ARHGAP44: variants seen among roughly 807,000 people sequenced by gnomAD.
ARHGAP44 encodes rho GTPase-activating protein 44.
ARHGAP44 carries 43 observed loss-of-function variants against 106.8 expected under a neutral mutation model. The ratio of observed to expected loss-of-function variants is 0.40; its 90% CI spans 0.32 to 0.52. ARHGAP44 has a LOEUF of 0.52. ARHGAP44 is among the 20% of genes least tolerant of loss of function. The pLI, the probability that ARHGAP44 is intolerant of heterozygous loss-of-function variation, is 0.48. For synonymous variants in ARHGAP44, 439 were observed against 410.3 expected (o/e 1.07, Z -0.85); for missense variants, 866 against 1,050.5 (o/e 0.82, Z 2.43).
chr17:12,830,368 G>A (rs1009087332), intron 1 of ARHGAP44, among the ~76,000 whole-genome samples: 6 of 151,880 alleles, frequency 4.0e-5, no homozygotes, highest in African/African-American at 1.5e-4. Context: ...GACTACTCTT[G>A]GGGTCTGCCT....
intron 3 of ARHGAP44, among the ~76,000 whole-genome samples, chr17:12,906,873 G>A (rs984070054): frequency 6.6e-6 from 1 of 152,100 alleles, no homozygotes; most frequent in Non-Finnish European, 1.5e-5. Context: ...TTAGGAGCTC[G>A]AGGCTTCAGT....
chr17:12,863,925 C>G (rs1486047264), intron 1 of ARHGAP44, among the ~76,000 whole-genome samples: 2 of 152,204 alleles, frequency 1.3e-5, no homozygotes, highest in African/African-American at 2.4e-5. Flanking sequence ...GTCTGTCCAT[C>G]TGTGCTGGCC....
chr17:12,987,840 A>G (rs910282143), intron 20 of ARHGAP44: 5 of 152,298 alleles, frequency 3.3e-5, no homozygotes, highest in Admixed American at 2.6e-4. Flanking sequence ...GGGAGCATTT[A>G]TATCAGTATC....
intron 1 of ARHGAP44, among the ~76,000 whole-genome samples, chr17:12,810,638 A>C (rs533014216): frequency 3.0e-4 from 45 of 152,310 alleles, no homozygotes; most frequent in African/African-American, 1.0e-3. Context: ...ATCTCTGGAC[A>C]TTGAAGCTCA....
At chr17:12,978,681 T>C (rs2039755955) in intron 18 of ARHGAP44, among the ~76,000 whole-genome samples, 1 of 70,772 alleles carries the variant, frequency 1.4e-5, no homozygotes, top group Non-Finnish European at 4.3e-5. Context: ...TTTTTTTCTT[T>C]TCTTTTTTCT....
At chr17:12,803,446 C>T (rs2034181539) in intron 1 of ARHGAP44, among the ~76,000 whole-genome samples, 1 of 151,994 alleles carries the variant, frequency 6.6e-6, no homozygotes, top group South Asian at 2.1e-4. Context: ...ATCCAGTTGG[C>T]TCCTATGAAT....
intron 1 of ARHGAP44, among the ~76,000 whole-genome samples, chr17:12,795,259 T>A (rs1267898169): frequency 6.6e-6 from 1 of 152,174 alleles, no homozygotes; most frequent in Non-Finnish European, 1.5e-5. Flanking sequence ...ATGTGAGAGA[T>A]AACAGAGTGT....
In ARHGAP44 at chr17:12,956,754, A is replaced by G; in HGVS notation, c.1342+8A>G. ...ACTGGTTCTTCCCTGGGGGTAGGTG[A>G]CAGCACCTAGGTGTGGGGGCAAGAG... On this transcript the variant is annotated splice_region_variant and intron_variant, in intron 15 of 20. Transcript: ENST00000379672. The G allele has an allele frequency of 6.2e-7, 1 of 1,612,386 alleles. No homozygotes were observed. The highest frequency in any genetic ancestry group is 8.5e-7 in the Non-Finnish European group (1 of 1,178,552).
At chr17:12,819,057 A>G (rs956783390) in intron 1 of ARHGAP44, among the ~76,000 whole-genome samples, 6 of 152,056 alleles carry the variant, frequency 3.9e-5, no homozygotes, top group Non-Finnish European at 7.4e-5. Context: ...TGTGGTATTG[A>G]TAAAGACATG....
At chr17:12,942,642 G>A (rs76136139) in intron 8 of ARHGAP44, among the ~76,000 whole-genome samples, 7,468 of 152,158 alleles carry the variant, frequency 0.049, 259 homozygotes, top group Admixed American at 0.091. Flanking sequence ...AAAAAAGTTC[G>A]TATTAGTTTT....
At chr17:12,951,342 A>G (rs983296748) in intron 12 of ARHGAP44, among the ~76,000 whole-genome samples, 1 of 152,176 alleles carries the variant, frequency 6.6e-6, no homozygotes, top group Admixed American at 6.5e-5. Flanking sequence ...CTGCTGGCTA[A>G]TAAGTGGCAG....
intron 1 of ARHGAP44, among the ~76,000 whole-genome samples, chr17:12,849,127 G>C (rs1484283623): frequency 6.6e-6 from 1 of 151,826 alleles, no homozygotes; most frequent in Non-Finnish European, 1.5e-5. Flanking sequence ...TCTAGTCGCA[G>C]AGACCATTCA....
intron 20 of ARHGAP44, chr17:12,986,386 C>A (rs2039956359): frequency 6.6e-6 from 1 of 152,182 alleles, no homozygotes; most frequent in Admixed American, 6.5e-5. Context: ...CAGGGCTGCT[C>A]CTCCCAGTGT....
At position 12,896,444 on chromosome 17, in the gene ARHGAP44, A is replaced by G; in HGVS notation, c.131A>G (p.His44Arg). 1 of 1,609,404 alleles carries G rather than the reference A, an allele frequency of 6.2e-7. No individual in the cohort carries two copies. The highest frequency in any genetic ancestry group is 1.3e-5 in the African/African-American group (1 of 74,930). Reference protein sequence around the residue: ...KRLELVKQVSHSTHKKLTACL... With the variant: ...KRLELVKQVSRSTHKKLTACL... Reference sequence around the variant, plus strand: ...CTGGAGCTGGTGAAACAGGTGTCCCACAGCACGCACAAGAAGCTCACCGCA... The same window carrying G: ...CTGGAGCTGGTGAAACAGGTGTCCCGCAGCACGCACAAGAAGCTCACCGCA... The change falls in exon 3 of 21, where the codon CAC becomes CGC. Residue 44 changes from histidine (H) to arginine (R), a missense_variant. By Grantham distance (29) the His-to-Arg change is conservative. This residue lies in a region of ARHGAP44 where 448 missense variants were observed against 646.9 expected (regional missense o/e 0.69). Coordinates refer to ENST00000379672, the MANE Select transcript of ARHGAP44 (RefSeq NM_014859.6).
intron 1 of ARHGAP44, among the ~76,000 whole-genome samples, chr17:12,878,093 G>A (rs1475355653): frequency 6.6e-6 from 1 of 152,208 alleles, no homozygotes; most frequent in Non-Finnish European, 1.5e-5. Context: ...TAGAGATTGG[G>A]AAATGACAGG....
At position 12,821,211 on chromosome 17, in the gene ARHGAP44, A is replaced by G. The variant is rs1436432655; in HGVS notation, c.53+31320A>G. ...ACAGTTGTGCAACTCAGCAAGGATT[A>G]AAGACAAAAACAAAAACGTGGGCAT... On this transcript the variant is annotated intron_variant, in intron 1 of 20. Coordinates refer to ENST00000379672, the MANE Select transcript of ARHGAP44 (RefSeq NM_014859.6). Among the ~76,000 whole-genome samples, 7 of 152,308 alleles carry G rather than the reference A, an allele frequency of 4.6e-5. No individual in the cohort carries two copies. In the South Asian group the frequency reaches 1.5e-3, roughly 32 times the overall value.
In ARHGAP44 at chr17:12,984,052, G is replaced by A. The variant is rs962922720; in HGVS notation, c.1940-479G>A. Among the ~76,000 whole-genome samples the A allele has an allele frequency of 5.9e-5, 9 of 152,320 alleles. No individual in the cohort carries two copies. The East Asian group carries it at 1.7e-3, about 29-fold the overall frequency. The stretch of plus-strand genomic sequence containing the variant: ...AGCCACTGGACAGGTTCAGCCAAAA[G>A]TCAGTTTTCTATCCCGAGGACCTGC... On this transcript the variant is annotated intron_variant, in intron 19 of 20. Coordinates refer to ENST00000379672, the MANE Select transcript of ARHGAP44 (RefSeq NM_014859.6).
chr17:12,915,819 G>T, intron 4 of ARHGAP44, 81 bp from the exon 5 acceptor site: 1 of 1,229,324 alleles, frequency 8.1e-7, no homozygotes, highest in Admixed American at 2.1e-5. Context: ...TTACAAGTGA[G>T]CCAGGAGGTG....
chr17:12,988,925 CAAA>C (rs76187703), intron 20 of ARHGAP44: 3 of 84,598 alleles, frequency 3.5e-5, no homozygotes, highest in East Asian at 3.5e-4. Context: ...CTAAAAACAC[CAAA>C]AAAAAAAAAA....
Sources: allele counts gnomAD v4.1 joint callset (sites outside exome capture counted in the v4.1 genomes callset), GRCh38; gene constraint gnomAD v4.1.1; regional missense constraint gnomAD v4.1.1; transcripts MANE v1.5; gene names NCBI Gene and HGNC (gene_info 2026-07-23, HGNC 2026-07-21).